Variants in MGAT4D observed in about 807,000 individuals in gnomAD.
MGAT4D encodes the protein MGAT4 family member D.
In MGAT4D, 34 loss-of-function variants were observed where a neutral mutation model predicts 15.9. The observed-to-expected ratio is 2.14, with a 90% CI of 1.62 to 2.84. The LOEUF is 2.84. MGAT4D is among the 30% of genes most tolerant of loss of function. MGAT4D has a pLI of 0.00. For missense variants in MGAT4D, 327 were observed against 140.2 expected, an observed-to-expected ratio of 2.33 and a Z score of -6.73; for synonymous variants, 112 against 48.2, an observed-to-expected ratio of 2.33 and a Z score of -5.49.
At position 140,472,875 on chromosome 4, in the gene MGAT4D, A is replaced by T. The variant is rs569216039; in HGVS notation, c.526-1054T>A. ...TTTAATATTAATAAATTAAACTGGG[A>T]TGCAATGATTTTAATCTTTCATTTC... On this transcript the variant is annotated intron_variant, in intron 4 of 10. Transcript: ENST00000511113. Among the ~76,000 whole-genome samples the T allele has an allele frequency of 4.6e-5, 7 of 152,262 alleles. No individual in the cohort carries two copies. The East Asian group carries it at 1.2e-3, about 25-fold the overall frequency.
chr4:140,493,341 G>T (rs952474614), intron 1 of MGAT4D, among the ~76,000 whole-genome samples: 10 of 146,346 alleles, frequency 6.8e-5, no homozygotes, highest in African/African-American at 2.3e-4. Context: ...TGTCACCCAG[G>T]TTGGAGTGCA....
intron 1 of MGAT4D, among the ~76,000 whole-genome samples, chr4:140,495,182 G>C (rs978789777): frequency 6.6e-6 from 1 of 152,138 alleles, no homozygotes; most frequent in Non-Finnish European, 1.5e-5. Flanking sequence ...CTTTGTACTT[G>C]CTTTTCCCTT....
intron 10 of MGAT4D, among the ~76,000 whole-genome samples, chr4:140,447,600 T>C (rs1034659490): frequency 2.0e-5 from 3 of 152,058 alleles, no homozygotes; most frequent in African/African-American, 7.2e-5. Context: ...AGTCACTGTA[T>C]GTGAGATGGA....
chr4:140,452,753 T>C (rs937052876), intron 9 of MGAT4D, among the ~76,000 whole-genome samples: 1 of 152,202 alleles, frequency 6.6e-6, no homozygotes, highest in Non-Finnish European at 1.5e-5. Context: ...CAAAAATTTT[T>C]AATTTTGATG....
intron 1 of MGAT4D, among the ~76,000 whole-genome samples, chr4:140,484,904 A>C (rs2126841240): frequency 6.6e-6 from 1 of 152,274 alleles, no homozygotes; most frequent in East Asian, 1.9e-4. Context: ...AGGAAACAAC[A>C]GTGCTGGAGA....
At chr4:140,455,693 T>C (rs960478559) in intron 9 of MGAT4D, among the ~76,000 whole-genome samples, 2 of 152,242 alleles carry the variant, frequency 1.3e-5, no homozygotes, top group African/African-American at 4.8e-5. Flanking sequence ...TAGATCGGTC[T>C]ATTTTTTCTT....
intron 10 of MGAT4D, among the ~76,000 whole-genome samples, chr4:140,447,180 T>A (rs1730189744): frequency 4.6e-5 from 7 of 152,106 alleles, no homozygotes; most frequent in Admixed American, 4.6e-4. Context: ...AGAATGTATA[T>A]CTTGTTTTGG....
chr4:140,468,926 A>AC (rs1731729140), intron 5 of MGAT4D, among the ~76,000 whole-genome samples: 1 of 152,008 alleles, frequency 6.6e-6, no homozygotes, highest in Admixed American at 6.6e-5. Flanking sequence ...CTACTCTTTC[A>AC]CCTGCTCTCA....
At chr4:140,455,157 A>G (rs1730719449) in intron 9 of MGAT4D, among the ~76,000 whole-genome samples, 2 of 152,008 alleles carry the variant, frequency 1.3e-5, no homozygotes, top group African/African-American at 4.8e-5. Flanking sequence ...TTGTTAATGT[A>G]GAAGTGGAGA....
At chr4:140,443,880 T>G (rs1729924150) in intron 10 of MGAT4D, among the ~76,000 whole-genome samples, 1 of 152,074 alleles carries the variant, frequency 6.6e-6, no homozygotes. Flanking sequence ...AGCCAGAGAT[T>G]AAATTTAAAA....
chr4:140,475,172 T>A (rs1252718663), intron 3 of MGAT4D, among the ~76,000 whole-genome samples: 1 of 152,164 alleles, frequency 6.6e-6, no homozygotes, highest in Non-Finnish European at 1.5e-5. Flanking sequence ...CTAAACAGAC[T>A]CCAAGATGTT....
Position 140,498,110 on chromosome 4 carries a change from A to C in MGAT4D, c.94+19T>G, listed in dbSNP as rs1733962579. 1.4e-6 allele frequency: 1 copy of C among 695,624 alleles called. No homozygotes were observed. Among genetic ancestry groups the C allele is most frequent in the Non-Finnish European group, 2.6e-6 (1 of 381,780 alleles). 43.1% of individuals were successfully genotyped at this position (695,624 alleles called of 1,614,324 possible). ...CCCCCGCGGCGGGAAAGGAGGCGGGAGGAGGGCCCGCCGCTTACTGGTTTG... is the reference window on the plus strand; with the variant it reads ...CCCCCGCGGCGGGAAAGGAGGCGGGCGGAGGGCCCGCCGCTTACTGGTTTG... On this transcript the variant is annotated intron_variant, in intron 1 of 10. Coordinates refer to ENST00000511113, the MANE Select transcript of MGAT4D (RefSeq NM_001277353.2).
chr4:140,481,916 T>C (rs1236580369), intron 2 of MGAT4D, among the ~76,000 whole-genome samples: 1 of 152,216 alleles, frequency 6.6e-6, no homozygotes, highest in South Asian at 2.1e-4. Context: ...GTCACTCAGG[T>C]AAAGCAGGAA....
At chr4:140,492,759 C>T (rs1578726621) in intron 1 of MGAT4D, among the ~76,000 whole-genome samples, 6 of 152,218 alleles carry the variant, frequency 3.9e-5, no homozygotes, top group Admixed American at 3.9e-4. Context: ...AAGAAAGTTT[C>T]AAGTTGACTA....
chr4:140,453,978 C>A (rs1730633590), intron 9 of MGAT4D, among the ~76,000 whole-genome samples: 1 of 151,570 alleles, frequency 6.6e-6, no homozygotes, highest in Non-Finnish European at 1.5e-5. Flanking sequence ...TATCTTGCAA[C>A]TTTGCTCAAA....
At position 140,479,507 on chromosome 4, in the gene MGAT4D, C is replaced by A; in HGVS notation, c.374G>T (p.Gly125Val). 2.0e-6 allele frequency: 1 copy of A among 503,850 alleles called. No individual in the cohort carries two copies. 31.2% of individuals were successfully genotyped at this position (503,850 alleles called of 1,614,324 possible). The change falls in exon 3 of 11, where the codon GGC becomes GTC. Residue 125 changes from glycine to valine, a missense_variant. By Grantham distance (109) the Gly-to-Val change is moderately radical. Transcript: ENST00000511113. ...EGRIYPDVII[G>V]KGKTGVSFAL... ...TTTCTTACCACCAGTTTTCCCTTTGCCAATGATTACATCAGGATAAATTCT... is the reference window on the plus strand; with the variant it reads ...TTTCTTACCACCAGTTTTCCCTTTGACAATGATTACATCAGGATAAATTCT...
chr4:140,448,568 T>G (rs1346411752), intron 10 of MGAT4D, among the ~76,000 whole-genome samples: 2 of 152,252 alleles, frequency 1.3e-5, no homozygotes, highest in African/African-American at 4.8e-5. Context: ...GATTATTTTT[T>G]ATACTGGTTA....
Position 140,456,736 on chromosome 4 carries a change from A to G in MGAT4D, c.878-17T>C. On this transcript the variant is annotated splice_polypyrimidine_tract_variant and intron_variant, in intron 8 of 10. Coordinates refer to ENST00000511113, the MANE Select transcript of MGAT4D (RefSeq NM_001277353.2). ...ACAGCTTTCCTATGGAAAAAAATAC[A>G]ATTAGATGCAAATAATTCATATGTA... is the stretch of plus-strand genomic sequence containing the variant. The G allele has an allele frequency of 1.6e-6, 1 of 641,316 alleles. No individual in the cohort carries two copies. The highest frequency in any genetic ancestry group is 2.8e-6 in the Non-Finnish European group (1 of 358,842). 39.7% of individuals were successfully genotyped at this position (641,316 alleles called of 1,614,324 possible).
intron 5 of MGAT4D, among the ~76,000 whole-genome samples, chr4:140,470,615 A>C (rs1423916102): frequency 6.6e-6 from 1 of 152,076 alleles, no homozygotes; most frequent in Non-Finnish European, 1.5e-5. Flanking sequence ...CCATTTCCAA[A>C]ATAGACTTAC....
Sources: allele counts gnomAD v4.1 joint callset (sites outside exome capture counted in the v4.1 genomes callset), GRCh38; gene constraint gnomAD v4.1.1; transcripts MANE v1.5; gene names NCBI Gene and HGNC (gene_info 2026-07-23, HGNC 2026-07-21).